The following RREB1 variants were observed in gnomAD, a reference collection of about 807,000 sequenced individuals.
RREB1 encodes ras-responsive element-binding protein 1.
A neutral mutation model predicts 117.8 loss-of-function variants in RREB1; 27 were observed. The ratio of observed to expected loss-of-function variants is 0.23; its 90% CI spans 0.17 to 0.32. The LOEUF is 0.32. Among genes scored for constraint, RREB1 ranks in the 10% least tolerant of loss-of-function variants. The pLI is 1.00. For missense variants in RREB1, 2,577 were observed against 2,378.2 expected (o/e 1.08, Z -1.74); for synonymous variants, 1,298 against 1,026.7 (o/e 1.26, Z -5.05).
chr6:7,241,029 C>T (rs919805549), intron 11 of RREB1, among the ~76,000 whole-genome samples: 2 of 152,148 alleles, frequency 1.3e-5, no homozygotes, highest in Admixed American at 1.3e-4. Context: ...CAGGCCTGGG[C>T]TCCCTGGGAT....
chr6:7,228,937 G>T, intron 9 of RREB1, 60 bp from the exon 10 acceptor site: 1 of 1,404,562 alleles, frequency 7.1e-7, no homozygotes. Flanking sequence ...TCTCCGTTTA[G>T]TGATTATTTT....
At chr6:7,173,211 A>G (rs1309090021) in intron 1 of RREB1, among the ~76,000 whole-genome samples, 2 of 152,106 alleles carry the variant, frequency 1.3e-5, no homozygotes, top group African/African-American at 4.8e-5. Context: ...CTAGGCATCT[A>G]AACTTATTCC....
At chr6:7,209,471 A>G (rs1766461199) in intron 6 of RREB1, among the ~76,000 whole-genome samples, 1 of 152,202 alleles carries the variant, frequency 6.6e-6, no homozygotes, top group Non-Finnish European at 1.5e-5. Context: ...AGAGGTGCTT[A>G]GAACAAAGCT....
intron 1 of RREB1, among the ~76,000 whole-genome samples, chr6:7,110,387 T>C (rs1761078506): frequency 6.6e-6 from 1 of 152,234 alleles, no homozygotes; most frequent in Admixed American, 6.5e-5. Context: ...AGTTTTGTGC[T>C]ATCTTCAAGA....
chr6:7,218,444 G>C (rs908810250), intron 8 of RREB1: 3 of 152,012 alleles, frequency 2.0e-5, no homozygotes, highest in Non-Finnish European at 4.4e-5. Context: ...GTGAGCACTG[G>C]GGGAGCTAAT....
intron 9 of RREB1, 144 bp from the exon 10 acceptor site, chr6:7,228,853 C>A: frequency 4.3e-6 from 3 of 704,284 alleles, no homozygotes; most frequent in Non-Finnish European, 6.1e-6. Flanking sequence ...TGCTATATTG[C>A]CCAGGCTGGG....
At chr6:7,126,000 T>C (rs1474102766) in intron 1 of RREB1, among the ~76,000 whole-genome samples, 2 of 151,990 alleles carry the variant, frequency 1.3e-5, no homozygotes, top group South Asian at 4.2e-4. Flanking sequence ...TGTTTGTTTG[T>C]TTGTTTGTTT....
In RREB1 at chr6:7,230,398, G is replaced by C; in HGVS notation, c.2299G>C (p.Ala767Pro). The change falls in exon 10 of 13, where the codon GCC (alanine) becomes CCC (proline). Residue 767 changes from alanine (A) to proline (P), a missense_variant. Transcript: ENST00000379938. ...LCGEDLKHYR[A>P]LRIHMRTHCG... Reference sequence around the variant, plus strand: ...CGGCGAGGACCTCAAGCACTATCGTGCCCTGCGCATCCACATGCGCACGCA... The same window carrying C: ...CGGCGAGGACCTCAAGCACTATCGTCCCCTGCGCATCCACATGCGCACGCA... The C allele has an allele frequency of 6.3e-7, 1 of 1,592,688 alleles. No homozygotes were observed. Among genetic ancestry groups the C allele is most frequent in the Non-Finnish European group, 8.5e-7 (1 of 1,174,820 alleles).
chr6:7,189,456 A>G (rs1288984552), intron 6 of RREB1, 134 bp downstream of exon 6: 1 of 848,732 alleles, frequency 1.2e-6, no homozygotes, highest in Non-Finnish European at 1.7e-6. Flanking sequence ...TTGTATGGAA[A>G]AACCAGAGAT....
rs1443027033 is a variant in RREB1, at chr6:7,247,175, G to A, written c.4725G>A (p.Arg1575=). Reference sequence around the variant, plus strand: ...AGGTCTGCAGCGTGTGCAACAAGCGGTTCTGGTCGCTGCAGGACCTGACCC... The same window carrying A: ...AGGTCTGCAGCGTGTGCAACAAGCGATTCTGGTCGCTGCAGGACCTGACCC... ...RKKVCSVCNK[R]FWSLQDLTRH... is the part of the protein sequence containing the mutation. The change falls in exon 12 of 13, where the codon CGG becomes CGA. Residue 1575 remains arginine, a synonymous_variant. Transcript: ENST00000379938. 2.5e-6 allele frequency: 4 copies of A among 1,613,902 alleles called. No homozygotes were observed. Among genetic ancestry groups the A allele is most frequent in the Admixed American group, 3.3e-5 (2 of 60,030 alleles).
intron 8 of RREB1, 95 bp downstream of exon 8, chr6:7,211,804 G>A (rs1045399421): frequency 5.8e-5 from 77 of 1,322,062 alleles, no homozygotes; most frequent in Non-Finnish European, 7.7e-5. Flanking sequence ...GGGCTCCAGT[G>A]ATTGAACTTG....
chr6:7,139,552 T>C (rs1344371544), intron 1 of RREB1, among the ~76,000 whole-genome samples: 1 of 152,240 alleles, frequency 6.6e-6, no homozygotes, highest in Non-Finnish European at 1.5e-5. Context: ...ATAAAATAGT[T>C]CTGCTATAAC....
intron 1 of RREB1, among the ~76,000 whole-genome samples, chr6:7,160,318 A>C (rs924893754): frequency 6.6e-6 from 1 of 152,144 alleles, no homozygotes; most frequent in African/African-American, 2.4e-5. Flanking sequence ...ATTTTCAAAA[A>C]TTATGTTAAG....
chr6:7,150,305 A>G (rs1251630169), intron 1 of RREB1, among the ~76,000 whole-genome samples: 3 of 152,232 alleles, frequency 2.0e-5, no homozygotes, highest in African/African-American at 4.8e-5. Context: ...AGCTTTTAAT[A>G]CTACTGAATT....
intron 1 of RREB1, among the ~76,000 whole-genome samples, chr6:7,162,616 G>A (rs973089845): frequency 6.6e-6 from 1 of 152,072 alleles, no homozygotes; most frequent in Non-Finnish European, 1.5e-5. Flanking sequence ...GAGGATGATC[G>A]TCATAATCTC....
intron 10 of RREB1, among the ~76,000 whole-genome samples, chr6:7,235,804 GGCA>G (rs1194752896): frequency 2.6e-5 from 4 of 152,144 alleles, no homozygotes; most frequent in Admixed American, 2.0e-4. Context: ...TCCTCAAAGG[GGCA>G]GCAAGAAGCA....
intron 10 of RREB1, among the ~76,000 whole-genome samples, chr6:7,234,683 T>C (rs1408091148): frequency 6.6e-6 from 1 of 152,276 alleles, no homozygotes; most frequent in Non-Finnish European, 1.5e-5. Flanking sequence ...CCCTGTATCC[T>C]ACCATAATAT....
chr6:7,180,930 G>A (rs1306520165), intron 2 of RREB1, among the ~76,000 whole-genome samples, 194 bp from the exon 3 acceptor site: 3 of 152,196 alleles, frequency 2.0e-5, no homozygotes, highest in African/African-American at 4.8e-5. Flanking sequence ...AGGCAGTACT[G>A]TAGGGGTTAA....
At chr6:7,154,689 C>T (rs1055082890) in intron 1 of RREB1, among the ~76,000 whole-genome samples, 1 of 152,198 alleles carries the variant, frequency 6.6e-6, no homozygotes, top group Admixed American at 6.5e-5. Flanking sequence ...AGGCCACTTA[C>T]CACTGCTGGC....
Sources: allele counts gnomAD v4.1 joint callset (sites outside exome capture counted in the v4.1 genomes callset), GRCh38; gene constraint gnomAD v4.1.1; transcripts MANE v1.5; gene names NCBI Gene and HGNC (gene_info 2026-07-23, HGNC 2026-07-21).